MNAT1: variants seen among roughly 807,000 people sequenced by gnomAD.
MNAT1 encodes MNAT1 component of CDK activating kinase, also known as CDK-activating kinase assembly factor MAT1.
A neutral mutation model predicts 42.0 loss-of-function variants in MNAT1; 43 were observed. That is an observed-to-expected ratio of 1.02 (90% CI 0.80 to 1.32). The LOEUF is 1.32. Ranked by LOEUF, MNAT1 falls within the 40% of genes most tolerant of loss-of-function variation. The pLI, the probability that MNAT1 is intolerant of heterozygous loss-of-function variation, is 0.00. For missense variants in MNAT1, 306 were observed against 350.4 expected, an observed-to-expected ratio of 0.87 and a Z score of 1.01; for synonymous variants, 118 against 120.0, an observed-to-expected ratio of 0.98 and a Z score of 0.11.
chr14:60,925,821 G>A (rs1440446376), intron 7 of MNAT1, among the ~76,000 whole-genome samples: 1 of 152,118 alleles, frequency 6.6e-6, no homozygotes, highest in African/African-American at 2.4e-5. Context: ...TTATATTGTA[G>A]ATTTTGTGTG....
chr14:60,860,779 G>A lies in MNAT1; in HGVS notation c.688-18935G>A, dbSNP rs532513994. Among the ~76,000 whole-genome samples the A allele has an allele frequency of 1.1e-3, 170 of 152,294 alleles. 1 individual carries two copies. The highest frequency in any genetic ancestry group is 1.6e-3 in the Non-Finnish European group (112 of 68,014). ...CATTTAATATGGGGAGTCATAGGCTGATAGTGTATATGCTTGTGTTCTTGC... is the reference window on the plus strand; with the variant it reads ...CATTTAATATGGGGAGTCATAGGCTAATAGTGTATATGCTTGTGTTCTTGC... On this transcript the variant is annotated intron_variant, in intron 6 of 7. Transcript: ENST00000261245.
intron 7 of MNAT1, among the ~76,000 whole-genome samples, chr14:60,889,611 T>G (rs2034783003): frequency 6.6e-6 from 1 of 152,094 alleles, no homozygotes; most frequent in East Asian, 1.9e-4. Flanking sequence ...GGGATCTAAT[T>G]AAACTAAAGA....
At chr14:60,867,331 A>T (rs1362481096) in intron 6 of MNAT1, among the ~76,000 whole-genome samples, 1 of 152,090 alleles carries the variant, frequency 6.6e-6, no homozygotes, top group Non-Finnish European at 1.5e-5. Context: ...AATTTTTGTG[A>T]AAATTGGTAA....
intron 7 of MNAT1, among the ~76,000 whole-genome samples, chr14:60,938,110 C>T (rs1385249825): frequency 6.6e-6 from 1 of 152,200 alleles, no homozygotes; most frequent in Non-Finnish European, 1.5e-5. Flanking sequence ...TGCCTATCAG[C>T]TTGAGGAGAT....
In MNAT1 at chr14:60,968,478, T is replaced by C. The variant is rs1184028844; in HGVS notation, c.*129T>C. On this transcript the variant is annotated 3_prime_UTR_variant, in exon 8 of 8. Transcript: ENST00000261245. ...ACTAGCAGCTGTGTTAAAGTATTTA[T>C]AAGGAGAAAATTTCAGAACTAAGTT... 1.5e-5 allele frequency: 23 copies of C among 1,510,892 alleles called. No homozygotes were observed. The highest frequency in any genetic ancestry group is 1.9e-5 in the Non-Finnish European group (22 of 1,133,502). 93.6% of individuals were successfully genotyped at this position (1,510,892 alleles called of 1,614,324 possible). A position where few individuals can be genotyped will look rare whatever the true frequency, so the allele number is the denominator to read the frequency against.
At chr14:60,877,895 G>A (rs903444955) in intron 6 of MNAT1, among the ~76,000 whole-genome samples, 5 of 151,936 alleles carry the variant, frequency 3.3e-5, no homozygotes. Context: ...TTAGTTTTCA[G>A]CATAAAATTT....
At chr14:60,886,323 T>C (rs535644282) in intron 7 of MNAT1, among the ~76,000 whole-genome samples, 1 of 152,174 alleles carries the variant, frequency 6.6e-6, no homozygotes, top group South Asian at 2.1e-4. Context: ...TGAATCTGTA[T>C]ACTGCTTTTG....
intron 1 of MNAT1, among the ~76,000 whole-genome samples, chr14:60,737,601 C>T (rs182368221): frequency 6.6e-6 from 1 of 151,900 alleles, no homozygotes; most frequent in Non-Finnish European, 1.5e-5. Context: ...TATATATGTA[C>T]ATATATGTCT....
chr14:60,881,762 A>C (rs544421762), intron 7 of MNAT1, among the ~76,000 whole-genome samples: 1 of 152,312 alleles, frequency 6.6e-6, no homozygotes, highest in South Asian at 2.1e-4. Context: ...CATTACCTCA[A>C]CATTTATTCT....
chr14:60,801,055 T>C (rs1296081144), intron 3 of MNAT1, among the ~76,000 whole-genome samples: 3 of 152,088 alleles, frequency 2.0e-5, no homozygotes. Context: ...GATAAAGCAA[T>C]TAACCTAGCA....
chr14:60,865,291 C>A (rs986247414), intron 6 of MNAT1, among the ~76,000 whole-genome samples: 2 of 151,920 alleles, frequency 1.3e-5, no homozygotes, highest in Non-Finnish European at 2.9e-5. Context: ...AAAGCCATTT[C>A]TATATTACAT....
At chr14:60,803,592 A>T (rs4151208) in intron 3 of MNAT1, among the ~76,000 whole-genome samples, 3 of 151,928 alleles carry the variant, frequency 2.0e-5, no homozygotes, top group Non-Finnish European at 1.5e-5. Flanking sequence ...ATTATTAGAG[A>T]TGAGAGAAAA....
At chr14:60,759,023 T>C (rs1186767553) in intron 1 of MNAT1, among the ~76,000 whole-genome samples, 1 of 152,170 alleles carries the variant, frequency 6.6e-6, no homozygotes, top group Non-Finnish European at 1.5e-5. Context: ...TAGTTCAGTA[T>C]TTTCAAACTG....
chr14:60,743,274 A>G (rs1896523730), intron 1 of MNAT1, among the ~76,000 whole-genome samples: 1 of 151,726 alleles, frequency 6.6e-6, no homozygotes, highest in Non-Finnish European at 1.5e-5. Context: ...CCATCTGCCT[A>G]AAGAACATTC....
intron 1 of MNAT1, among the ~76,000 whole-genome samples, chr14:60,782,469 C>G (rs1471409848): frequency 6.6e-6 from 1 of 152,104 alleles, no homozygotes; most frequent in Non-Finnish European, 1.5e-5. Context: ...TCAAGGCCAG[C>G]ACATTTTTCA....
At chr14:60,815,400 A>G (rs1029799210) in intron 5 of MNAT1, among the ~76,000 whole-genome samples, 3 of 152,200 alleles carry the variant, frequency 2.0e-5, no homozygotes, top group Non-Finnish European at 2.9e-5. Context: ...TATTTTTGGT[A>G]GAGATGGGGT....
chr14:60,772,965 C>G (rs1045668304), intron 1 of MNAT1, among the ~76,000 whole-genome samples: 2 of 150,666 alleles, frequency 1.3e-5, no homozygotes, highest in African/African-American at 2.4e-5. Flanking sequence ...GACAGAGTCT[C>G]TCTCTGTCGC....
At chr14:60,757,391 T>A (rs2030405926) in intron 1 of MNAT1, among the ~76,000 whole-genome samples, 1 of 152,012 alleles carries the variant, frequency 6.6e-6, no homozygotes, top group Non-Finnish European at 1.5e-5. Context: ...CATTTTTTTT[T>A]ATTGTCCACA....
chr14:60,827,520 A>G (rs1355044096), intron 6 of MNAT1, among the ~76,000 whole-genome samples: 1 of 152,206 alleles, frequency 6.6e-6, no homozygotes, highest in Non-Finnish European at 1.5e-5. Flanking sequence ...TAAAAATTAC[A>G]TTGAGCAGTC....
Sources: allele counts gnomAD v4.1 joint callset (sites outside exome capture counted in the v4.1 genomes callset), GRCh38; gene constraint gnomAD v4.1.1; transcripts MANE v1.5; gene names NCBI Gene and HGNC (gene_info 2026-07-23, HGNC 2026-07-21).